Variants in PIGN observed in about 807,000 individuals in gnomAD.
The protein encoded by PIGN is phosphatidylinositol glycan anchor biosynthesis class N, also known as GPI ethanolamine phosphate transferase 1.
In PIGN, 117 loss-of-function variants were observed where a neutral mutation model predicts 125.4. That is an observed-to-expected ratio of 0.93 (90% CI 0.80 to 1.09). The LOEUF (loss-of-function observed/expected upper bound fraction) is 1.09. PIGN is among the 50% of genes least tolerant of loss of function. The pLI is 0.00. For missense variants in PIGN, 1,075 were observed against 1,094.9 expected (o/e 0.98, Z 0.26); for synonymous variants, 392 against 377.8 (o/e 1.04, Z -0.44).
At chr18:62,123,452 G>T (rs1256787691) in intron 14 of PIGN, 1 of 151,874 alleles carries the variant, frequency 6.6e-6, no homozygotes, top group African/African-American at 2.4e-5. Flanking sequence ...CTAAATGGCT[G>T]AAAAAAAGCT....
At chr18:62,113,057 C>T in intron 16 of PIGN, 77 bp downstream of exon 16, 1 of 1,084,460 alleles carries the variant, frequency 9.2e-7, no homozygotes, top group Non-Finnish European at 1.3e-6. Context: ...ACTTGCACAT[C>T]CTATAAACTC....
At chr18:62,025,233 G>T (rs776201289) in intron 23 of PIGN, among the ~76,000 whole-genome samples, 5 of 152,116 alleles carry the variant, frequency 3.3e-5, no homozygotes, top group African/African-American at 1.2e-4. Context: ...CCATAAAAAT[G>T]GTATCATGCT....
intron 14 of PIGN, among the ~76,000 whole-genome samples, chr18:62,132,705 T>C (rs189267595): frequency 2.0e-4 from 31 of 152,266 alleles, no homozygotes; most frequent in African/African-American, 6.0e-4. Flanking sequence ...AATAAAATTC[T>C]GATTATGATG....
chr18:62,043,769 G>T lies in PIGN; in HGVS notation c.*2087C>A, dbSNP rs766559990. ...AAGATGATAGCATGGCCTTTTTTTG[G>T]TTCAATATTTTCACAACTTGTTCTG... On this transcript the variant is annotated 3_prime_UTR_variant, in exon 31 of 31. Transcript: ENST00000640252. The T allele has an allele frequency of 6.6e-6, 1 of 151,902 alleles. No homozygotes were observed. The highest frequency in any genetic ancestry group is 1.5e-5 in the Non-Finnish European group (1 of 67,974). The allele number at this position is 151,902 out of a possible 1,614,324, so 9.4% of individuals were successfully genotyped here. A position where few individuals can be genotyped will look rare whatever the true frequency, so the allele number is the denominator to read the frequency against.
At chr18:62,128,649 G>A (rs530917890) in intron 14 of PIGN, among the ~76,000 whole-genome samples, 4 of 140,644 alleles carry the variant, frequency 2.8e-5, no homozygotes, top group East Asian at 5.0e-4. Flanking sequence ...AGGTTGATAT[G>A]AGGAAAAAAT....
chr18:62,090,083 T>C (rs956062747), intron 24 of PIGN, among the ~76,000 whole-genome samples: 15 of 152,152 alleles, frequency 9.9e-5, no homozygotes, highest in Admixed American at 5.9e-4. Context: ...TGTCACCTTA[T>C]AATAAAATTC....
chr18:62,028,086 T>C (rs1351434676), intron 23 of PIGN, among the ~76,000 whole-genome samples: 2 of 152,208 alleles, frequency 1.3e-5, no homozygotes, highest in Non-Finnish European at 2.9e-5. Flanking sequence ...GGTTCCACAA[T>C]ACATGGAATA....
intron 30 of PIGN, among the ~76,000 whole-genome samples, chr18:62,071,878 A>ATATG (rs1377404945): frequency 1.9e-4 from 13 of 66,800 alleles, no homozygotes; most frequent in African/African-American, 1.0e-3. Context: ...ATATATATAT[A>ATATG]TATATATATA....
chr18:62,091,189 A>G (rs549706549), intron 23 of PIGN, among the ~76,000 whole-genome samples: 5 of 152,236 alleles, frequency 3.3e-5, no homozygotes, highest in African/African-American at 1.2e-4. Context: ...TCTACTAAAA[A>G]TACAAAAAAT....
chr18:62,023,268 T>C (rs1207963131), intron 23 of PIGN, among the ~76,000 whole-genome samples: 2 of 152,196 alleles, frequency 1.3e-5, no homozygotes, highest in Non-Finnish European at 2.9e-5. Flanking sequence ...CAACAATTCA[T>C]CTACTTTCTG....
intron 25 of PIGN, among the ~76,000 whole-genome samples, chr18:62,087,501 A>C (rs912019659): frequency 6.6e-6 from 1 of 152,168 alleles, no homozygotes; most frequent in Non-Finnish European, 1.5e-5. Flanking sequence ...CAGCAACTAT[A>C]AATTTTTCTT....
chr18:62,041,695 G>C lies in PIGN; in HGVS notation c.*4161C>G, dbSNP rs559508248. The C allele has an allele frequency of 2.2e-4, 33 of 150,640 alleles. No individual in the cohort carries two copies. The highest frequency in any genetic ancestry group is 1.7e-3 in the Admixed American group (25 of 14,880). 9.3% of individuals were successfully genotyped at this position (150,640 alleles called of 1,614,324 possible). The stretch of plus-strand genomic sequence containing the variant: ...TGTGTGTGTGTGTGTGTGTGTGTGT[G>C]TGTGTGTGTGTTTAGTAGAGATGGG... On this transcript the variant is annotated 3_prime_UTR_variant, in exon 31 of 31. Transcript: ENST00000640252.
intron 1 of PIGN, among the ~76,000 whole-genome samples, chr18:62,167,615 G>C (rs2037193404): frequency 7.2e-6 from 1 of 139,498 alleles, no homozygotes; most frequent in South Asian, 2.3e-4. Flanking sequence ...CTGAGCAACA[G>C]AGTGAAACTC....
At chr18:62,159,413 T>G (rs2036859977) in intron 4 of PIGN, among the ~76,000 whole-genome samples, 1 of 152,202 alleles carries the variant, frequency 6.6e-6, no homozygotes, top group Non-Finnish European at 1.5e-5. Context: ...CCAGAAAAGC[T>G]TGACTTTATT....
intron 30 of PIGN, among the ~76,000 whole-genome samples, chr18:62,049,070 T>C (rs1488000531): frequency 6.6e-6 from 1 of 152,018 alleles, no homozygotes; most frequent in African/African-American, 2.4e-5. Context: ...CCATGGTATA[T>C]ATGTGCCACA....
At chr18:62,076,752 T>C (rs1030109895) in intron 28 of PIGN, among the ~76,000 whole-genome samples, 4 of 152,232 alleles carry the variant, frequency 2.6e-5, no homozygotes, top group Non-Finnish European at 5.9e-5. Flanking sequence ...AATTCACATA[T>C]GCAGATATAT....
chr18:62,106,705 TA>T, intron 19 of PIGN, 83 bp downstream of exon 19: 1 of 865,650 alleles, frequency 1.2e-6, no homozygotes. Flanking sequence ...CCCTTTTCTT[TA>T]AAAATAAACA....
At position 62,077,640 on chromosome 18, in the gene PIGN, GT is replaced by G. The variant is rs376219094; in HGVS notation, c.2577-2820del. Among the ~76,000 whole-genome samples the G allele has an allele frequency of 1.3e-3, 204 of 152,216 alleles. 4 individuals are homozygous for G. The East Asian group carries it at 0.036, about 27-fold the overall frequency. On this transcript the variant is annotated intron_variant, in intron 28 of 30. Transcript: ENST00000640252. ...TTGGAAAAATTAAGTCAGGTAATAT[GT>G]GGAAAGTACCTAATACAGTGCCTGA...
downstream of PIGN, among the ~76,000 whole-genome samples, chr18:62,038,324 T>C (rs528003778): frequency 7.1e-6 from 1 of 141,508 alleles, no homozygotes; most frequent in African/African-American, 2.5e-5. Context: ...TTTTTTTTTT[T>C]TTTTGAAAAG....
Sources: allele counts gnomAD v4.1 joint callset (sites outside exome capture counted in the v4.1 genomes callset), GRCh38; gene constraint gnomAD v4.1.1; transcripts MANE v1.5; gene names NCBI Gene and HGNC (gene_info 2026-07-23, HGNC 2026-07-21).